DYRK4: variants seen among roughly 807,000 people sequenced by gnomAD.
DYRK4 encodes dual specificity tyrosine-phosphorylation-regulated kinase 4.
In DYRK4, 64 loss-of-function variants were observed where a neutral mutation model predicts 68.3. The ratio of observed to expected loss-of-function variants is 0.94; its 90% CI spans 0.77 to 1.15. The LOEUF (loss-of-function observed/expected upper bound fraction) is 1.15, where lower values mean the gene tolerates loss of function less well. Ranked by LOEUF, DYRK4 falls within the 50% of genes most tolerant of loss-of-function variation. The pLI, the probability that DYRK4 is intolerant of heterozygous loss-of-function variation, is 0.00. For missense variants in DYRK4, 740 were observed against 764.7 expected (o/e 0.97, Z 0.38); for synonymous variants, 274 against 289.9 (o/e 0.95, Z 0.56).
chr12:4,589,090 C>T, intron 3 of DYRK4, 73 bp downstream of exon 3: 2 of 1,427,672 alleles, frequency 1.4e-6, no homozygotes, highest in Admixed American at 2.1e-5. Context: ...TAGCTTTGAA[C>T]AGACAGTTTT....
chr12:4,579,340 T>C (rs1472790607), intron 2 of DYRK4, among the ~76,000 whole-genome samples: 1 of 152,052 alleles, frequency 6.6e-6, no homozygotes, highest in African/African-American at 2.4e-5. Flanking sequence ...AAACACACAA[T>C]GGCCAAGTGA....
intron 2 of DYRK4, chr12:4,580,914 C>T (rs901908664): frequency 8.8e-6 from 4 of 455,220 alleles, no homozygotes; most frequent in Admixed American, 4.7e-5. Flanking sequence ...TGTGCCTTTC[C>T]GAAAAGGCTG....
intron 14 of DYRK4, 122 bp downstream of exon 14, chr12:4,612,840 T>C (rs1945240294): frequency 1.7e-5 from 18 of 1,082,344 alleles, no homozygotes; most frequent in Admixed American, 2.3e-5. Flanking sequence ...TTAAAATCTT[T>C]GTTTTTAATA....
chr12:4,588,363 G>C (rs564561550), intron 2 of DYRK4, among the ~76,000 whole-genome samples: 1 of 152,264 alleles, frequency 6.6e-6, no homozygotes, highest in East Asian at 1.9e-4. Flanking sequence ...CTTTATCTGC[G>C]TACTGTACAC....
intron 11 of DYRK4, among the ~76,000 whole-genome samples, chr12:4,606,680 C>T (rs984576927): frequency 2.6e-5 from 4 of 152,124 alleles, no homozygotes; most frequent in Admixed American, 1.3e-4. Context: ...GAGAACGGGG[C>T]CTATGTTTCA....
intron 10 of DYRK4, among the ~76,000 whole-genome samples, chr12:4,600,707 G>A (rs1945071347): frequency 6.6e-6 from 1 of 151,796 alleles, no homozygotes; most frequent in African/African-American, 2.4e-5. Context: ...GAAGGGGTGT[G>A]AAGCTTCCAT....
intron 2 of DYRK4, among the ~76,000 whole-genome samples, chr12:4,578,967 C>T (rs1286856909): frequency 2.6e-5 from 4 of 152,192 alleles, no homozygotes; most frequent in African/African-American, 9.6e-5. Context: ...CCTTCTTTCA[C>T]AGTCTAGTGT....
At chr12:4,599,270 CTTTTTTTT>C in intron 9 of DYRK4, 104 bp downstream of exon 9, 4 of 459,412 alleles carry the variant, frequency 8.7e-6, no homozygotes, top group Admixed American at 4.9e-5. Context: ...TTGCCTTTGA[CTTTTTTTT>C]TTTTTTTTTT....
At chr12:4,612,489 A>C in intron 13 of DYRK4, 54 bp from the exon 14 acceptor site, 1 of 1,525,042 alleles carries the variant, frequency 6.6e-7, no homozygotes, top group Non-Finnish European at 8.8e-7. Context: ...AAATGTTTTA[A>C]TATATTAAAA....
chr12:4,570,162 G>A (rs1242896708), intron 2 of DYRK4, among the ~76,000 whole-genome samples: 1 of 151,836 alleles, frequency 6.6e-6, no homozygotes, highest in African/African-American at 2.4e-5. Flanking sequence ...GATCGCTTGA[G>A]CCCAGGAGGT....
At chr12:4,572,009 T>C (rs1176670289) in intron 2 of DYRK4, among the ~76,000 whole-genome samples, 1 of 152,236 alleles carries the variant, frequency 6.6e-6, no homozygotes, top group Non-Finnish European at 1.5e-5. Flanking sequence ...GTATGTGCTG[T>C]CTACTCATCT....
intron 2 of DYRK4, chr12:4,581,122 C>A (rs916286652): frequency 2.9e-5 from 7 of 237,782 alleles, no homozygotes; most frequent in South Asian, 1.0e-4. Flanking sequence ...CCCCTGTGGT[C>A]CTTGGGTAAA....
intron 10 of DYRK4, among the ~76,000 whole-genome samples, chr12:4,601,576 T>TAC (rs1351065040): frequency 6.6e-6 from 1 of 152,174 alleles, no homozygotes; most frequent in African/African-American, 2.4e-5. Context: ...AAAAACTGAA[T>TAC]AATGAAACTT....
rs1286795708 is a variant in DYRK4 at position 4,589,001 on chromosome 12, C to A, written c.197C>A (p.Thr66Asn). The change falls in exon 3 of 15, where the codon ACC becomes AAC. Residue 66 changes from threonine to asparagine, a missense_variant. Around this residue, in one of 3 missense-constraint regions of DYRK4, gnomAD observed 56 missense variants for 89.9 expected, o/e 0.62. Coordinates refer to ENST00000543431, the MANE Select transcript of DYRK4 (RefSeq NM_001394779.1). The part of the protein sequence containing the change: ...PPSNIKNSRM[T>N]QVFHKNTSVT... ...TCCAATATCAAGAACTCCAGAATGA[C>A]CCAAGTCTTTCATAAGGTAGGGAGT... 2 of 1,535,926 alleles carry A rather than the reference C, an allele frequency of 1.3e-6. No homozygotes were observed. The highest frequency in any genetic ancestry group is 2.7e-5 in the African/African-American group (2 of 73,020).
intron 6 of DYRK4, among the ~76,000 whole-genome samples, chr12:4,595,657 A>T (rs563103044): frequency 8.5e-4 from 129 of 152,236 alleles, no homozygotes; most frequent in Non-Finnish European, 1.6e-3. Context: ...CAGAGAGGAG[A>T]CCTAACGCCT....
intron 3 of DYRK4, chr12:4,589,973 T>C (rs898751912): frequency 1.1e-5 from 2 of 183,036 alleles, no homozygotes; most frequent in African/African-American, 4.7e-5. Flanking sequence ...ACTTACAGAA[T>C]ACTCTCTATA....
At chr12:4,577,991 G>A (rs1010411113) in intron 2 of DYRK4, among the ~76,000 whole-genome samples, 4 of 152,086 alleles carry the variant, frequency 2.6e-5, no homozygotes, top group Admixed American at 1.3e-4. Flanking sequence ...TTATCCTGCA[G>A]CTTTTATACA....
intron 3 of DYRK4, among the ~76,000 whole-genome samples, chr12:4,589,766 T>A (rs914475615): frequency 1.3e-5 from 2 of 152,206 alleles, no homozygotes; most frequent in African/African-American, 4.8e-5. Flanking sequence ...TTTTAGCTCT[T>A]CTGACCTCTC....
chr12:4,604,800 C>A, intron 10 of DYRK4, 114 bp from the exon 11 acceptor site: 1 of 1,340,630 alleles, frequency 7.5e-7, no homozygotes. Flanking sequence ...GCCAGCTGCA[C>A]TTCCCTTTCA....
Sources: gnomAD v4.1 joint callset for allele counts (sites outside exome capture counted in the v4.1 genomes callset) on GRCh38, gnomAD v4.1.1 for gene constraint, gnomAD v4.1.1 regional missense constraint, MANE v1.5 for transcripts, NCBI Gene and HGNC (gene_info 2026-07-23, HGNC 2026-07-21) for gene names.